The following PCDHAC1 variants were observed in gnomAD, a reference collection of about 807,000 sequenced individuals.
The protein encoded by PCDHAC1 is protocadherin alpha subfamily C, 1.
PCDHAC1 carries 42 observed loss-of-function variants against 60.0 expected under a neutral mutation model. The observed-to-expected ratio is 0.70, with a 90% CI of 0.55 to 0.90. PCDHAC1 has a LOEUF of 0.90. PCDHAC1 is among the 40% of genes least tolerant of loss of function. The pLI is 0.00. For synonymous variants in PCDHAC1, 468 were observed against 499.3 expected, an observed-to-expected ratio of 0.94 and a Z score of 0.84; for missense variants, 1,160 against 1,222.3, an observed-to-expected ratio of 0.95 and a Z score of 0.76.
intron 2 of PCDHAC1, 80 bp downstream of exon 2, chr5:140,979,087 A>C (rs1284249394): frequency 6.4e-7 from 1 of 1,561,170 alleles, no homozygotes; most frequent in Non-Finnish European, 8.7e-7. Flanking sequence ...CATAGGCCAG[A>C]AGCAGCTGTC....
chr5:140,971,487 C>G (rs1285006281), intron 1 of PCDHAC1, among the ~76,000 whole-genome samples: 1 of 152,110 alleles, frequency 6.6e-6, no homozygotes, highest in African/African-American at 2.4e-5. Flanking sequence ...CACATTGTTA[C>G]AGTGTGGCAA....
At chr5:141,003,486 T>C (rs1563677160) in intron 3 of PCDHAC1, among the ~76,000 whole-genome samples, 2 of 152,054 alleles carry the variant, frequency 1.3e-5, no homozygotes. Flanking sequence ...CTAATTTTTA[T>C]AGTTTTAGTA....
intron 3 of PCDHAC1, among the ~76,000 whole-genome samples, chr5:141,007,395 CAAA>C (rs35800918): frequency 0.057 from 5,421 of 94,854 alleles, 127 homozygotes; most frequent in South Asian, 0.13. Context: ...TACTAAAATA[CAAA>C]AAAAAAAAAA....
chr5:140,969,389 A>G (rs1554231753), intron 1 of PCDHAC1: 8 of 1,592,478 alleles, frequency 5.0e-6, no homozygotes, highest in Admixed American at 1.8e-5. Context: ...ACATCCCCCA[A>G]TATCCTGTGA....
chr5:140,941,191 T>TTTTTTTCTTTC (rs1554213809), intron 1 of PCDHAC1, among the ~76,000 whole-genome samples: 6 of 93,206 alleles, frequency 6.4e-5, no homozygotes, highest in Admixed American at 2.5e-4. Context: ...GCTTCTTTTT[T>TTTTTTTCTTTC]TTTCTTTCTT....
intron 3 of PCDHAC1, among the ~76,000 whole-genome samples, chr5:140,986,524 G>C (rs2097203903): frequency 6.6e-6 from 1 of 152,198 alleles, no homozygotes; most frequent in South Asian, 2.1e-4. Flanking sequence ...GCCTGTGAGG[G>C]AACTGGCCTG....
Position 141,010,168 on chromosome 5 carries a change from C to T in PCDHAC1, c.*231C>T. The T allele has an allele frequency of 6.4e-7, 1 of 1,561,094 alleles. No individual in the cohort carries two copies. On this transcript the variant is annotated 3_prime_UTR_variant, in exon 4 of 4. Coordinates refer to ENST00000253807, the MANE Select transcript of PCDHAC1 (RefSeq NM_018898.5). Reference sequence around the variant, plus strand: ...TCTCCACTCTGGCTTGTTTTCAGAACCTAAAAAGCAGACCCAAGTTTCCTT... The same window carrying T: ...TCTCCACTCTGGCTTGTTTTCAGAATCTAAAAAGCAGACCCAAGTTTCCTT...
Position 140,928,594 on chromosome 5 carries a change from G to A in PCDHAC1, c.1702G>A (p.Glu568Lys). 6.2e-7 allele frequency: 1 copy of A among 1,614,204 alleles called. No individual in the cohort carries two copies. Among genetic ancestry groups the A allele is most frequent in the Non-Finnish European group, 8.5e-7 (1 of 1,180,032 alleles). The part of the protein sequence containing the change: ...PLPRNGSVPV[E>K]IVPRSARTGH... The stretch of plus-strand genomic sequence containing the variant: ...GCCCAGAAATGGTTCTGTCCCAGTG[G>A]AAATTGTGCCCCGCTCTGCCAGGAC... Residue 568 changes from glutamate to lysine, a missense_variant, in exon 1 of 4, where the codon GAA becomes AAA. Physicochemically the swap from Glu to Lys is moderately conservative, Grantham distance 56. Transcript: ENST00000253807.
Position 140,936,624 on chromosome 5 carries a change from C to T in PCDHAC1, c.2433+7299C>T, listed in dbSNP as rs186958884. On this transcript the variant is annotated intron_variant, in intron 1 of 3. Coordinates refer to ENST00000253807, the MANE Select transcript of PCDHAC1 (RefSeq NM_018898.5). Reference sequence around the variant, plus strand: ...TCCTCGCTGCTACTGTGCAGTGCTACCTTTGTCATAAGCAACGTGACTTTA... The same window carrying T: ...TCCTCGCTGCTACTGTGCAGTGCTATCTTTGTCATAAGCAACGTGACTTTA... 2.3e-3 allele frequency among the ~76,000 whole-genome samples: 345 copies of T among 152,302 alleles called. 2 individuals are homozygous for T. Among genetic ancestry groups the T allele is most frequent in the South Asian group, 2.5e-3 (12 of 4,824 alleles).
intron 1 of PCDHAC1, among the ~76,000 whole-genome samples, chr5:140,946,349 G>A (rs1412325014): frequency 6.6e-6 from 1 of 151,910 alleles, no homozygotes; most frequent in Non-Finnish European, 1.5e-5. Flanking sequence ...TGGAGAGGAT[G>A]TGGAGAAAAG....
intron 1 of PCDHAC1, among the ~76,000 whole-genome samples, chr5:140,953,567 C>G (rs1385823859): frequency 6.6e-6 from 1 of 152,018 alleles, no homozygotes; most frequent in Non-Finnish European, 1.5e-5. Flanking sequence ...TTTTAGTGCC[C>G]TCCTCTCCCA....
At chr5:140,971,952 C>T (rs782029862) in intron 1 of PCDHAC1, among the ~76,000 whole-genome samples, 3 of 152,012 alleles carry the variant, frequency 2.0e-5, no homozygotes, top group Non-Finnish European at 4.4e-5. Context: ...CATCTGACTC[C>T]AAAAACTTTT....
intron 1 of PCDHAC1, among the ~76,000 whole-genome samples, chr5:140,970,841 C>T (rs782138970): frequency 2.0e-5 from 3 of 150,352 alleles, no homozygotes; most frequent in African/African-American, 7.5e-5. Context: ...ATGTAATGCA[C>T]AGGCACAAAA....
Position 140,928,551 on chromosome 5 carries a change from G to T in PCDHAC1, c.1659G>T (p.Pro553=). Residue 553 remains proline (P), a synonymous_variant, in exon 1 of 4, where the codon CCG becomes CCT. Transcript: ENST00000253807. ...TGGTAGATAGGAATGACAATTATCC[G>T]GTTATCTTGTTTCCCTTGCCCAGAA... is the stretch of plus-strand genomic sequence containing the variant. ...LFVVDRNDNY[P]VILFPLPRNG... 2 of 1,614,164 alleles carry T rather than the reference G, an allele frequency of 1.2e-6. No homozygotes were observed. Among genetic ancestry groups the T allele is most frequent in the Non-Finnish European group, 1.7e-6 (2 of 1,180,028 alleles).
intron 2 of PCDHAC1, among the ~76,000 whole-genome samples, chr5:140,979,939 T>A (rs2096870929): frequency 6.6e-6 from 1 of 152,210 alleles, no homozygotes; most frequent in African/African-American, 2.4e-5. Context: ...ATGTGTAGAG[T>A]TAATGTGAAA....
chr5:140,941,239 C>CTTTCTTTCTTTCTT (rs2092937531), intron 1 of PCDHAC1, among the ~76,000 whole-genome samples: 2 of 134,500 alleles, frequency 1.5e-5, no homozygotes, highest in Non-Finnish European at 1.6e-5. Context: ...TTCTTTCTTT[C>CTTTCTTTCTTTCTT]TTTCTTTCTT....
rs561529051 is a variant in PCDHAC1 at position 140,929,034 on chromosome 5, C to G, written c.2142C>G (p.Cys714Trp). The change falls in exon 1 of 4, where the codon TGC (cysteine) becomes TGG (tryptophan). Residue 714 changes from cysteine (C) to tryptophan (W), a missense_variant. Physicochemically the swap from Cys to Trp is radical, Grantham distance 215. Transcript: ENST00000253807. ...AGTTGCACCAGAGCCCAGGCTGTTGCGCTCAGAGCTGCTGTCGCTCTACAG... is the reference window on the plus strand; with the variant it reads ...AGTTGCACCAGAGCCCAGGCTGTTGGGCTCAGAGCTGCTGTCGCTCTACAG... ...CTKLHQSPGC[C>W]AQSCCRSTED... 2.8e-5 allele frequency: 46 copies of G among 1,614,040 alleles called. No homozygotes were observed. The South Asian group carries it at 4.8e-4, about 17-fold the overall frequency.
intron 3 of PCDHAC1, among the ~76,000 whole-genome samples, chr5:141,000,361 G>GTCTCTCTCTC (rs148596731): frequency 1.1e-4 from 3 of 26,446 alleles, no homozygotes; most frequent in East Asian, 1.6e-3. Context: ...GTCTCTCTCT[G>GTCTCTCTCTC]TCTCTCTCTC....
intron 3 of PCDHAC1, among the ~76,000 whole-genome samples, chr5:141,009,291 T>G (rs115348370): frequency 2.9e-3 from 436 of 152,228 alleles, no homozygotes; most frequent in African/African-American, 9.9e-3. Flanking sequence ...CCCATTTCTA[T>G]AAAATTTTTT....
Sources: gnomAD v4.1 joint callset for allele counts (sites outside exome capture counted in the v4.1 genomes callset) on GRCh38, gnomAD v4.1.1 for gene constraint, MANE v1.5 for transcripts, NCBI Gene and HGNC (gene_info 2026-07-23, HGNC 2026-07-21) for gene names.